Variants in NUP214 observed in about 807,000 individuals in gnomAD.
NUP214 encodes the protein nuclear pore complex protein Nup214.
NUP214 carries 79 observed loss-of-function variants against 196.2 expected under a neutral mutation model. The ratio of observed to expected loss-of-function variants is 0.40; its 90% CI spans 0.34 to 0.49. The LOEUF is 0.49. Ranked by LOEUF, NUP214 falls within the 20% of genes least tolerant of loss-of-function variation. The pLI, the probability that NUP214 is intolerant of heterozygous loss-of-function variation, is 0.58. For synonymous variants in NUP214, 1,020 were observed against 990.5 expected (o/e 1.03, Z -0.56); for missense variants, 2,468 against 2,539.0 (o/e 0.97, Z 0.60).
intron 30 of NUP214, among the ~76,000 whole-genome samples, chr9:131,208,090 A>G (rs1834133609): frequency 6.6e-6 from 1 of 152,262 alleles, no homozygotes; most frequent in Non-Finnish European, 1.5e-5. Flanking sequence ...AGTGTTAGCA[A>G]TGATACAAAG....
chr9:131,225,634 T>G (rs991895910), intron 32 of NUP214, among the ~76,000 whole-genome samples: 1 of 152,148 alleles, frequency 6.6e-6, no homozygotes, highest in Non-Finnish European at 1.5e-5. Flanking sequence ...CCCCCTCATG[T>G]TTCAGGACTT....
At position 131,187,378 on chromosome 9, in the gene NUP214, T is replaced by C; in HGVS notation, c.3495+14T>C. 2.5e-6 allele frequency: 4 copies of C among 1,578,936 alleles called. No individual in the cohort carries two copies. The highest frequency in any genetic ancestry group is 3.5e-6 in the Non-Finnish European group (4 of 1,156,884). On this transcript the variant is annotated intron_variant, in intron 25 of 35. Coordinates refer to ENST00000359428, the MANE Select transcript of NUP214 (RefSeq NM_005085.4). ...CAAGCCAAGCAGGTAACTTACTGAT[T>C]TTTACTTTTTTTTTTTTTTTTTTTT...
In NUP214 at chr9:131,175,447, C is replaced by G. The variant is rs199803056; in HGVS notation, c.3158-13C>G. ...TCTCACCCACTCACACTTAATTTTT[C>G]TTTTCCTCTTAGTGGCTACATCTGC... On this transcript the variant is annotated splice_polypyrimidine_tract_variant and intron_variant, in intron 22 of 35. Coordinates refer to ENST00000359428, the MANE Select transcript of NUP214 (RefSeq NM_005085.4). The G allele has an allele frequency of 6.2e-7, 1 of 1,613,612 alleles. No homozygotes were observed.
At chr9:131,206,148 C>CTTTTTTTTCTTTTTTTTTT (rs1834077168) in intron 30 of NUP214, among the ~76,000 whole-genome samples, 1 of 76,388 alleles carries the variant, frequency 1.3e-5, no homozygotes. Context: ...TTTCTTTTTT[C>CTTTTTTTTCTTTTTTTTTT]TTTTTTTTTT....
intron 17 of NUP214, among the ~76,000 whole-genome samples, chr9:131,158,523 T>C (rs1447828616): frequency 6.6e-6 from 1 of 152,280 alleles, no homozygotes; most frequent in Non-Finnish European, 1.5e-5. Flanking sequence ...TTTTTAGTGC[T>C]GATAGTGTTC....
At chr9:131,170,803 CATT>C (rs3057994) in intron 21 of NUP214, among the ~76,000 whole-genome samples, 5 of 148,198 alleles carry the variant, frequency 3.4e-5, no homozygotes, top group African/African-American at 7.4e-5. Flanking sequence ...TTATTATTAT[CATT>C]ATTATTATTA....
At chr9:131,200,255 A>G (rs1231604722) in intron 29 of NUP214, among the ~76,000 whole-genome samples, 1 of 152,240 alleles carries the variant, frequency 6.6e-6, no homozygotes, top group Admixed American at 6.5e-5. Flanking sequence ...AGTCTTGTCT[A>G]AGCTCACCTA....
chr9:131,137,552 C>CTTTTTT (rs11338707), intron 9 of NUP214, among the ~76,000 whole-genome samples: 2 of 88,714 alleles, frequency 2.3e-5, no homozygotes, highest in Admixed American at 1.3e-4. Flanking sequence ...CTGGTGGTAT[C>CTTTTTT]TTTTTTTTTT....
intron 22 of NUP214, among the ~76,000 whole-genome samples, 175 bp from the exon 23 acceptor site, chr9:131,175,285 T>G (rs945838725): frequency 1.1e-4 from 16 of 152,184 alleles, no homozygotes; most frequent in African/African-American, 3.9e-4. Context: ...GTAGGCAAAT[T>G]TCATGCGATA....
chr9:131,232,156 C>A lies in NUP214; in HGVS notation c.6215-128C>A. 1.1e-6 allele frequency: 1 copy of A among 884,630 alleles called. No homozygotes were observed. The highest frequency in any genetic ancestry group is 1.9e-6 in the Non-Finnish European group (1 of 521,132). The allele number at this position is 884,630 out of a possible 1,614,324, so 54.8% of individuals were successfully genotyped here. A position where few individuals can be genotyped will look rare whatever the true frequency, so the allele number is the denominator to read the frequency against. Reference sequence around the variant, plus strand: ...TTCTGTGTGTACCTTTCCTGCCTTCCTGTAGGTGGTGGAGGCACGGAGGGC... The same window carrying A: ...TTCTGTGTGTACCTTTCCTGCCTTCATGTAGGTGGTGGAGGCACGGAGGGC... On this transcript the variant is annotated intron_variant, in intron 34 of 35. Transcript: ENST00000359428. The surrounding 1 kb of genome is among the most constrained non-coding windows in gnomAD (Gnocchi z 5.1).
Position 131,187,347 on chromosome 9 carries a change from G to T in NUP214, c.3478G>T (p.Ala1160Ser), listed in dbSNP as rs553963144. The T allele has an allele frequency of 1.9e-6, 3 of 1,609,818 alleles. No individual in the cohort carries two copies. In the South Asian group the frequency reaches 3.3e-5, roughly 18 times the overall value. ...TCACCCAGTGTTGACCCCAGTGGCT[G>T]CTAACCAAGCCAAGCAGGTAACTTA... ...TPHPVLTPVAANQAKQGSLIN... is the reference protein window; with the variant it reads ...TPHPVLTPVASNQAKQGSLIN... The change falls in exon 25 of 36, where the codon GCT (alanine) becomes TCT (serine). Residue 1160 changes from alanine to serine, a missense_variant. By Grantham distance (99) the Ala-to-Ser change is moderately conservative. Transcript: ENST00000359428.
In NUP214 at chr9:131,175,538, C is replaced by T. The variant is rs767144957; in HGVS notation, c.3236C>T (p.Ala1079Val). The change falls in exon 23 of 36, where the codon GCA becomes GTA. Residue 1079 changes from alanine to valine, a missense_variant. By Grantham distance (64) the Ala-to-Val change is moderately conservative. This residue lies in a region of NUP214 where 1,801 missense variants were observed against 1,779.4 expected (regional missense o/e 1.01). Coordinates refer to ENST00000359428, the MANE Select transcript of NUP214 (RefSeq NM_005085.4). ...MLATKTVKHG[A>V]PSPSHPISAP... ...GCCACGAAAACCGTGAAACATGGTG[C>T]ACCTAGTCCTTCCCACCCCATCTCA... 3.7e-6 allele frequency: 6 copies of T among 1,614,096 alleles called. No individual in the cohort carries two copies. In the African/African-American group the frequency reaches 8.0e-5, roughly 22 times the overall value.
In NUP214 at chr9:131,197,519, C is replaced by A. The variant is rs961846463; in HGVS notation, c.4025C>A (p.Ala1342Glu). The A allele has an allele frequency of 6.8e-6, 11 of 1,614,082 alleles. No homozygotes were observed. Among genetic ancestry groups the A allele is most frequent in the Non-Finnish European group, 7.6e-6 (9 of 1,180,042 alleles). ...TTTTCAGGACTGCGGGTTGGCCAAG[C>A]AGATGATTCTACAAAACCAACCAAT... is the stretch of plus-strand genomic sequence containing the variant. Reference protein sequence around the residue: ...GSFSGLRVGQADDSTKPTNKA... With the variant: ...GSFSGLRVGQEDDSTKPTNKA... The change falls in exon 29 of 36, where the codon GCA (alanine) becomes GAA (glutamate). Residue 1342 changes from alanine (A) to glutamate (E), a missense_variant. Transcript: ENST00000359428.
At chr9:131,177,745 G>A (rs1833156985) in intron 23 of NUP214, among the ~76,000 whole-genome samples, 1 of 152,156 alleles carries the variant, frequency 6.6e-6, no homozygotes, top group Non-Finnish European at 1.5e-5. Context: ...AGCTGATGAG[G>A]AGGTGTCAGA....
intron 24 of NUP214, among the ~76,000 whole-genome samples, chr9:131,184,063 C>G (rs1167130630): frequency 8.6e-6 from 1 of 115,742 alleles, no homozygotes; most frequent in Non-Finnish European, 1.7e-5. Context: ...TGGAGTCTCG[C>G]TTTGTCACCC....
Position 131,175,638 on chromosome 9 carries a change from C to T in NUP214, c.3319+17C>T. 1 of 1,612,976 alleles carries T rather than the reference C, an allele frequency of 6.2e-7. No individual in the cohort carries two copies. The highest frequency in any genetic ancestry group is 8.5e-7 in the Non-Finnish European group (1 of 1,179,534). On this transcript the variant is annotated intron_variant, in intron 23 of 35. Coordinates refer to ENST00000359428, the MANE Select transcript of NUP214 (RefSeq NM_005085.4). ...AGGCACCAGGTAAAAGCTGTAGCCCCATACCTGTACAGAGGCTGATTATGA... is the reference window on the plus strand; with the variant it reads ...AGGCACCAGGTAAAAGCTGTAGCCCTATACCTGTACAGAGGCTGATTATGA...
intron 27 of NUP214, among the ~76,000 whole-genome samples, chr9:131,193,243 T>TCTCTTCCCTGCAGTGATG (rs377394358): frequency 0.047 from 7,166 of 152,192 alleles, 259 homozygotes; most frequent in African/African-American, 0.1. Context: ...GCTGAAGCAT[T>TCTCTTCCCTGCAGTGATG]GGGTTAGACT....
At chr9:131,138,773 A>T (rs886795355) in intron 9 of NUP214, among the ~76,000 whole-genome samples, 36 of 152,230 alleles carry the variant, frequency 2.4e-4, no homozygotes, top group African/African-American at 7.7e-4. Flanking sequence ...AGAAGAACTA[A>T]GGTTATCTCT....
intron 11 of NUP214, chr9:131,141,653 A>G (rs575206208): frequency 6.6e-6 from 1 of 152,040 alleles, no homozygotes; most frequent in African/African-American, 2.4e-5. Context: ...TATTTTTTAA[A>G]TGTTTTGTAG....
Sources: allele counts gnomAD v4.1 joint callset (sites outside exome capture counted in the v4.1 genomes callset), GRCh38; gene constraint gnomAD v4.1.1; regional missense constraint gnomAD v4.1.1; non-coding constraint Gnocchi (gnomAD v3.1); transcripts MANE v1.5; gene names NCBI Gene and HGNC (gene_info 2026-07-23, HGNC 2026-07-21).